Variants in CLMN observed in about 807,000 individuals in gnomAD.
CLMN encodes the protein calmin (calponin-like, transmembrane).
A neutral mutation model predicts 92.7 loss-of-function variants in CLMN; 57 were observed. The ratio of observed to expected loss-of-function variants is 0.61; its 90% CI spans 0.50 to 0.77. CLMN has a LOEUF of 0.77. Ranked by LOEUF, CLMN falls within the 30% of genes least tolerant of loss-of-function variation. The pLI is 0.00. For missense variants in CLMN, 1,158 were observed against 1,237.5 expected (o/e 0.94, Z 0.96); for synonymous variants, 466 against 470.6 (o/e 0.99, Z 0.13).
chr14:95,262,774 C>T (rs1899310669), intron 1 of CLMN, among the ~76,000 whole-genome samples: 1 of 152,092 alleles, frequency 6.6e-6, no homozygotes, highest in South Asian at 2.1e-4. Context: ...CCTATGTTGC[C>T]CAGTCTGGTC....
intron 1 of CLMN, among the ~76,000 whole-genome samples, chr14:95,251,095 G>A (rs533911403): frequency 2.6e-5 from 4 of 152,244 alleles, no homozygotes; most frequent in African/African-American, 9.6e-5. Flanking sequence ...TTTCCCATGT[G>A]GTATGGAATA....
intron 4 of CLMN, among the ~76,000 whole-genome samples, chr14:95,217,065 T>C (rs1240265121): frequency 1.3e-5 from 2 of 152,166 alleles, no homozygotes; most frequent in African/African-American, 4.8e-5. Context: ...AGAGTAAATA[T>C]TTAAGGCTTT....
intron 4 of CLMN, among the ~76,000 whole-genome samples, chr14:95,221,229 G>A (rs747208308): frequency 8.5e-5 from 13 of 152,118 alleles, no homozygotes; most frequent in Non-Finnish European, 1.5e-4. Context: ...AAAGATCATC[G>A]GAGTCTAGAA....
chr14:95,244,550 T>C (rs1016783611), intron 1 of CLMN, among the ~76,000 whole-genome samples: 3 of 152,192 alleles, frequency 2.0e-5, no homozygotes, highest in Non-Finnish European at 2.9e-5. Context: ...AGAAACACTC[T>C]ACATCAGATG....
chr14:95,241,826 C>T (rs528776446), intron 1 of CLMN, among the ~76,000 whole-genome samples: 1 of 152,244 alleles, frequency 6.6e-6, no homozygotes, highest in South Asian at 2.1e-4. Flanking sequence ...CACTCATGCA[C>T]GCCTGTGTGT....
chr14:95,247,876 A>G (rs1207671864), intron 1 of CLMN, among the ~76,000 whole-genome samples: 2 of 152,174 alleles, frequency 1.3e-5, no homozygotes, highest in African/African-American at 2.4e-5. Flanking sequence ...AGAGAGACAT[A>G]GAGATGAGAG....
chr14:95,261,574 C>T (rs899172727), intron 1 of CLMN, among the ~76,000 whole-genome samples: 1 of 152,226 alleles, frequency 6.6e-6, no homozygotes, highest in Non-Finnish European at 1.5e-5. Context: ...CTGCAATATT[C>T]CCTGCAGAGA....
chr14:95,292,731 C>T (rs999208554), intron 1 of CLMN, among the ~76,000 whole-genome samples: 4 of 152,076 alleles, frequency 2.6e-5, no homozygotes, highest in African/African-American at 9.7e-5. Flanking sequence ...AGCTTTCCCA[C>T]GAGCTAGGAT....
chr14:95,304,768 T>C (rs933124409), intron 1 of CLMN, among the ~76,000 whole-genome samples: 1 of 152,060 alleles, frequency 6.6e-6, no homozygotes, highest in Non-Finnish European at 1.5e-5. Flanking sequence ...GCCCACTTCC[T>C]TCTGCAGCTC....
At chr14:95,283,849 G>A (rs1325225813) in intron 1 of CLMN, among the ~76,000 whole-genome samples, 1 of 152,202 alleles carries the variant, frequency 6.6e-6, no homozygotes, top group African/African-American at 2.4e-5. Context: ...CTGACTATGC[G>A]ATAGAAAAGA....
intron 1 of CLMN, among the ~76,000 whole-genome samples, chr14:95,286,189 T>C (rs763747360): frequency 5.3e-5 from 8 of 152,214 alleles, no homozygotes; most frequent in Non-Finnish European, 1.0e-4. Flanking sequence ...TACTAAAGTA[T>C]TTATGAATGA....
intron 1 of CLMN, among the ~76,000 whole-genome samples, chr14:95,245,796 T>C (rs1325906472): frequency 1.4e-5 from 2 of 140,240 alleles, no homozygotes; most frequent in Non-Finnish European, 1.5e-5. Context: ...GGTTGGATTA[T>C]TGGATGGATG....
At chr14:95,231,121 G>A (rs1897872117) in intron 1 of CLMN, among the ~76,000 whole-genome samples, 1 of 152,140 alleles carries the variant, frequency 6.6e-6, no homozygotes, top group African/African-American at 2.4e-5. Flanking sequence ...CTGCACAGCA[G>A]GTGGTGAGAA....
At chr14:95,313,740 A>G (rs971279026) in intron 1 of CLMN, among the ~76,000 whole-genome samples, 2 of 152,226 alleles carry the variant, frequency 1.3e-5, no homozygotes, top group African/African-American at 4.8e-5. Context: ...AAAAAAGACA[A>G]TTACTTTATT....
intron 1 of CLMN, among the ~76,000 whole-genome samples, chr14:95,315,060 T>C (rs897720560): frequency 6.6e-6 from 1 of 152,042 alleles, no homozygotes; most frequent in African/African-American, 2.4e-5. Context: ...CAGCATCCCA[T>C]CCCACTGCTG....
chr14:95,273,166 G>T (rs917517307), intron 1 of CLMN, among the ~76,000 whole-genome samples: 1 of 152,204 alleles, frequency 6.6e-6, no homozygotes, highest in African/African-American at 2.4e-5. Context: ...TGCAAATTGT[G>T]ATGGAAAGGA....
intron 1 of CLMN, among the ~76,000 whole-genome samples, chr14:95,257,099 C>T (rs1410180504): frequency 6.6e-6 from 1 of 152,144 alleles, no homozygotes; most frequent in Non-Finnish European, 1.5e-5. Flanking sequence ...ATATTTAATA[C>T]GACGAGGCCC....
intron 1 of CLMN, among the ~76,000 whole-genome samples, chr14:95,281,151 A>T (rs991397303): frequency 6.6e-6 from 1 of 152,222 alleles, no homozygotes; most frequent in African/African-American, 2.4e-5. Flanking sequence ...AGGAGCCCCA[A>T]ATTATCTTGA....
At chr14:95,211,340 T>C (rs1173736032) in intron 6 of CLMN, among the ~76,000 whole-genome samples, 1 of 152,234 alleles carries the variant, frequency 6.6e-6, no homozygotes, top group Non-Finnish European at 1.5e-5. Context: ...GCTGGGGCTT[T>C]TGTGGGGAAA....
Sources: allele counts gnomAD v4.1 joint callset (sites outside exome capture counted in the v4.1 genomes callset), GRCh38; gene constraint gnomAD v4.1.1; transcripts MANE v1.5; gene names NCBI Gene and HGNC (gene_info 2026-07-23, HGNC 2026-07-21).